XYLT2: variants seen among roughly 807,000 people sequenced by gnomAD.
XYLT2 encodes UDP-D-xylose:proteoglycan core protein beta-D-xylosyltransferase.
In XYLT2, 37 loss-of-function variants were observed where a neutral mutation model predicts 82.6. The ratio of observed to expected loss-of-function variants is 0.45; its 90% CI spans 0.34 to 0.59. The LOEUF is 0.59. Among genes scored for constraint, XYLT2 ranks in the 20% least tolerant of loss-of-function variants. The probability of loss-of-function intolerance (pLI) is 0.01; values close to 1 mark genes in which losing one functional copy is unlikely to be tolerated. For synonymous variants in XYLT2, 474 were observed against 499.0 expected (o/e 0.95, Z 0.67); for missense variants, 934 against 1,181.3 (o/e 0.79, Z 3.07).
chr17:50,354,541 C>A lies in XYLT2; in HGVS notation c.762C>A (p.Ala254=), dbSNP rs150977138. 3.1e-6 allele frequency: 5 copies of A among 1,612,756 alleles called. No individual in the cohort carries two copies. In the South Asian group the frequency reaches 5.5e-5, roughly 18 times the overall value. The change falls in exon 3 of 11, where the codon GCC becomes GCA. Residue 254 remains alanine, a synonymous_variant. Coordinates refer to ENST00000017003, the MANE Select transcript of XYLT2 (RefSeq NM_022167.4). ...GCCAGCTGAAGCGTCTCCTCAAGGC[C>A]GTTTATCACGAGCAGCACTTCTTTT... ...AIRQLKRLLK[A]VYHEQHFFYI...
intron 9 of XYLT2, 43 bp downstream of exon 9, chr17:50,357,295 G>A (rs1213831848): frequency 6.7e-7 from 1 of 1,501,252 alleles, no homozygotes; most frequent in Admixed American, 2.2e-5. Flanking sequence ...CCCCCACCCA[G>A]ACTTGGGGTA....
chr17:50,359,874 T>C, intron 10 of XYLT2, 95 bp from the exon 11 acceptor site: 1 of 1,110,496 alleles, frequency 9.0e-7, no homozygotes, highest in South Asian at 1.6e-5. Context: ...AGTAGGGCTG[T>C]GACAGGAACT....
intron 1 of XYLT2, chr17:50,347,001 T>A: frequency 2.2e-6 from 2 of 922,456 alleles, no homozygotes; most frequent in African/African-American, 1.8e-5. Context: ...ATGGGGACTG[T>A]AACAGAGCCC....
In XYLT2 at chr17:50,356,223, C is replaced by A; in HGVS notation, c.1444C>A (p.Pro482Thr). The change falls in exon 7 of 11, where the codon CCC becomes ACC. Residue 482 changes from proline (P) to threonine (T), a missense_variant. By Grantham distance (38) the Pro-to-Thr change is conservative (BLOSUM62 -1). Coordinates refer to ENST00000017003, the MANE Select transcript of XYLT2 (RefSeq NM_022167.4). ...CATTGTGGACTGGTGTGGCTGCTCC[C>A]CCAACGACTTCAAGCCACAGGACTT... Reference protein sequence around the residue: ...KHIVDWCGCSPNDFKPQDFLR... With the variant: ...KHIVDWCGCSTNDFKPQDFLR... The A allele has an allele frequency of 6.2e-7, 1 of 1,614,184 alleles. No homozygotes were observed. Among genetic ancestry groups the A allele is most frequent in the East Asian group, 2.2e-5 (1 of 44,882 alleles).
rs1361244621 is a variant in XYLT2 at position 50,360,969 on chromosome 17, G to A, written c.*678G>A. On this transcript the variant is annotated 3_prime_UTR_variant, in exon 11 of 11. Transcript: ENST00000017003. The stretch of plus-strand genomic sequence containing the variant: ...GCATACCCTGCCCCTGGATGGGAAA[G>A]GCAGGGTCAGGGCCCACTGAGACCC... 1.0e-6 allele frequency: 1 copy of A among 985,816 alleles called. No individual in the cohort carries two copies. Among genetic ancestry groups the A allele is most frequent in the Non-Finnish European group, 1.2e-6 (1 of 830,002 alleles). 61.1% of individuals were successfully genotyped at this position (985,816 alleles called of 1,614,324 possible). A position where few individuals can be genotyped will look rare whatever the true frequency, so the allele number is the denominator to read the frequency against.
At chr17:50,354,633 CAG>C (rs752878600) in intron 3 of XYLT2, 50 bp downstream of exon 3, 1 of 1,565,158 alleles carries the variant, frequency 6.4e-7, no homozygotes, top group Admixed American at 1.7e-5. Flanking sequence ...AGAGCAGAAA[CAG>C]AAGGTTGCAG....
chr17:50,356,482 C>T (rs1318304944), intron 7 of XYLT2, 29 bp from the exon 8 acceptor site: 5 of 1,609,724 alleles, frequency 3.1e-6, no homozygotes, highest in Non-Finnish European at 4.2e-6. Flanking sequence ...TTCCAGAGCC[C>T]TTCACCCTCC....
rs1912059847 is a variant in XYLT2 at position 50,346,722 on chromosome 17, C to T, written c.135+447C>T. 1 of 985,242 alleles carries T rather than the reference C, an allele frequency of 1.0e-6. No homozygotes were observed. The highest frequency in any genetic ancestry group is 1.2e-6 in the Non-Finnish European group (1 of 829,924). 61.0% of individuals were successfully genotyped at this position (985,242 alleles called of 1,614,324 possible). A position where few individuals can be genotyped will look rare whatever the true frequency, so the allele number is the denominator to read the frequency against. On this transcript the variant is annotated intron_variant, in intron 1 of 10. Transcript: ENST00000017003. The surrounding 1 kb of genome is among the most constrained non-coding windows in gnomAD (Gnocchi z 5.1). Reference sequence around the variant, plus strand: ...GGGCCAAGGGACTCAGGGCGTCCTTCCCCAGCTGAGCCCGAGGGGCAGCGG... The same window carrying T: ...GGGCCAAGGGACTCAGGGCGTCCTTTCCCAGCTGAGCCCGAGGGGCAGCGG...
At position 50,360,265 on chromosome 17, in the gene XYLT2, G is replaced by A. The variant is rs772015847; in HGVS notation, c.2572G>A (p.Val858Ile). The change falls in exon 11 of 11, where the codon GTC becomes ATC. Residue 858 changes from valine (V) to isoleucine (I), a missense_variant. Around this residue, in one of 3 missense-constraint regions of XYLT2, gnomAD observed 374 missense variants for 465.6 expected, o/e 0.80. Coordinates refer to ENST00000017003, the MANE Select transcript of XYLT2 (RefSeq NM_022167.4). ...CGACCCCAAATCAGAGCTGGGGCCTGTCAAAGCAGACGGGCGACTCAGGTA... is the reference window on the plus strand; with the variant it reads ...CGACCCCAAATCAGAGCTGGGGCCTATCAAAGCAGACGGGCGACTCAGGTA... The part of the protein sequence containing the change: ...SPDPKSELGP[V>I]KADGRLR 6 of 1,604,392 alleles carry A rather than the reference G, an allele frequency of 3.7e-6. No homozygotes were observed. Among genetic ancestry groups the A allele is most frequent in the Non-Finnish European group, 5.1e-6 (6 of 1,173,630 alleles).
At chr17:50,347,399 A>G (rs1261981724) in intron 1 of XYLT2, among the ~76,000 whole-genome samples, 3 of 150,204 alleles carry the variant, frequency 2.0e-5, no homozygotes, top group Non-Finnish European at 4.4e-5. Flanking sequence ...GAGAACCCAG[A>G]GGGTGGGATG....
At chr17:50,349,137 C>T (rs1048059525) in intron 1 of XYLT2, among the ~76,000 whole-genome samples, 13 of 152,340 alleles carry the variant, frequency 8.5e-5, no homozygotes, top group South Asian at 4.1e-4. Flanking sequence ...AACCTGGCCC[C>T]GTGCCTCATG....
Sources: gnomAD v4.1 joint callset for allele counts (sites outside exome capture counted in the v4.1 genomes callset) on GRCh38, gnomAD v4.1.1 for gene constraint, gnomAD v4.1.1 regional missense constraint, Gnocchi (gnomAD v3.1) non-coding constraint, MANE v1.5 for transcripts, NCBI Gene and HGNC (gene_info 2026-07-23, HGNC 2026-07-21) for gene names.